DAB1: variants seen among roughly 807,000 people sequenced by gnomAD.
The protein encoded by DAB1 is DAB adaptor protein 1.
In DAB1, 15 loss-of-function variants were observed where a neutral mutation model predicts 64.6. The ratio of observed to expected loss-of-function variants is 0.23; its 90% CI spans 0.16 to 0.36. The LOEUF is 0.36. Ranked by LOEUF, DAB1 falls within the 10% of genes least tolerant of loss-of-function variation. The pLI is 1.00. For missense variants in DAB1, 596 were observed against 706.7 expected, an observed-to-expected ratio of 0.84 and a Z score of 1.78; for synonymous variants, 235 against 251.9, an observed-to-expected ratio of 0.93 and a Z score of 0.64.
At chr1:57,702,897 C>T (rs1646923364) in intron 6 of DAB1, among the ~76,000 whole-genome samples, 3 of 152,160 alleles carry the variant, frequency 2.0e-5, no homozygotes, top group Non-Finnish European at 2.9e-5. Flanking sequence ...ACACCTACAA[C>T]TATCTGGTCT....
intron 7 of DAB1, among the ~76,000 whole-genome samples, chr1:57,638,635 C>G (rs536055485): frequency 9.2e-5 from 14 of 152,298 alleles, no homozygotes; most frequent in African/African-American, 3.4e-4. Context: ...ATCAAAGACA[C>G]AGTTCATGTT....
intron 7 of DAB1, among the ~76,000 whole-genome samples, chr1:57,638,389 A>G (rs565627255): frequency 7.3e-4 from 111 of 152,252 alleles, no homozygotes; most frequent in African/African-American, 2.6e-3. Flanking sequence ...CTGGGCGAGG[A>G]GTGTCAGATG....
intron 6 of DAB1, among the ~76,000 whole-genome samples, chr1:57,745,123 G>A (rs1363548130): frequency 1.3e-5 from 2 of 152,252 alleles, no homozygotes; most frequent in South Asian, 4.1e-4. Context: ...TTATAGATTA[G>A]GGATAGTAAT....
At chr1:57,117,599 G>A (rs1359807127) in intron 4 of DAB1, among the ~76,000 whole-genome samples, 2 of 152,140 alleles carry the variant, frequency 1.3e-5, no homozygotes, top group African/African-American at 4.8e-5. Flanking sequence ...TACAATTCAA[G>A]CCCTCGGTGC....
chr1:58,065,000 G>C (rs1648766295), intron 5 of DAB1, among the ~76,000 whole-genome samples: 1 of 152,086 alleles, frequency 6.6e-6, no homozygotes, highest in Non-Finnish European at 1.5e-5. Flanking sequence ...GTGAGCCACC[G>C]CGCCCGGCCA....
intron 7 of DAB1, among the ~76,000 whole-genome samples, chr1:57,473,996 C>T (rs1643902324): frequency 6.6e-6 from 1 of 152,108 alleles, no homozygotes; most frequent in African/African-American, 2.4e-5. Context: ...AAGAACAATG[C>T]ATATTGTTAG....
chr1:57,408,044 G>A (rs1344044336), intron 1 of DAB1, among the ~76,000 whole-genome samples: 9 of 152,040 alleles, frequency 5.9e-5, no homozygotes, highest in East Asian at 5.8e-4. Context: ...GTATGCCCAC[G>A]TCTCCTCTCT....
chr1:57,763,111 A>T (rs1281333672), intron 6 of DAB1, among the ~76,000 whole-genome samples: 1 of 152,208 alleles, frequency 6.6e-6, no homozygotes, highest in Non-Finnish European at 1.5e-5. Flanking sequence ...ACGATGCGAC[A>T]CAGGATGTAT....
At chr1:58,451,152 C>G (rs1361294227) in intron 3 of DAB1, among the ~76,000 whole-genome samples, 1 of 152,174 alleles carries the variant, frequency 6.6e-6, no homozygotes, top group Admixed American at 6.5e-5. Flanking sequence ...TGCCATGATG[C>G]AATCACGACT....
At chr1:57,746,457 T>C (rs1438797916) in intron 6 of DAB1, among the ~76,000 whole-genome samples, 3 of 152,182 alleles carry the variant, frequency 2.0e-5, no homozygotes. Flanking sequence ...TTCCCCAGAT[T>C]ATTAAGGTTG....
chr1:58,408,969 A>C (rs1644642435), intron 3 of DAB1, among the ~76,000 whole-genome samples: 1 of 152,212 alleles, frequency 6.6e-6, no homozygotes, highest in African/African-American at 2.4e-5. Flanking sequence ...TTAGATACAA[A>C]TCCTGTCTTC....
At chr1:57,274,927 T>TAA (rs11423501) in intron 2 of DAB1, among the ~76,000 whole-genome samples, 12 of 149,986 alleles carry the variant, frequency 8.0e-5, no homozygotes, top group South Asian at 2.1e-4. Context: ...CTTAACTGCT[T>TAA]AAAAAAAAAT....
In DAB1 at chr1:57,804,923, G is replaced by T. The variant is rs758318007; in HGVS notation, n.551+79076C>A. 3.6e-4 allele frequency among the ~76,000 whole-genome samples: 55 copies of T among 152,256 alleles called. 1 individual carries two copies. Among genetic ancestry groups the T allele is most frequent in the Non-Finnish European group, 2.4e-4 (16 of 68,000 alleles). On this transcript the variant is annotated intron_variant and non_coding_transcript_variant, in intron 6 of 20. Coordinates refer to the DAB1 transcript ENST00000485760. The stretch of plus-strand genomic sequence containing the variant: ...TTCAAATTGGAGATTTGTATTTTTT[G>T]TTGTTGTTGTTCCCCACAGCCTCTC...
chr1:58,488,729 C>T (rs556076753), intron 3 of DAB1, among the ~76,000 whole-genome samples: 16 of 152,306 alleles, frequency 1.1e-4, no homozygotes, highest in African/African-American at 3.8e-4. Context: ...GGATTACAGG[C>T]GTGAGCCACC....
intron 1 of DAB1, among the ~76,000 whole-genome samples, chr1:57,883,658 T>C (rs1415741798): frequency 1.3e-5 from 2 of 152,236 alleles, no homozygotes; most frequent in African/African-American, 4.8e-5. Context: ...TATTTCTGTT[T>C]CTGTGAACAT....
chr1:57,534,281 C>T lies in DAB1; in HGVS notation n.625+115311G>A, dbSNP rs573279129. ...TTAAATAACTCAACAAGAGGTCCCTCGGAGAAAATCAATACACACCAAATT... is the reference window on the plus strand; with the variant it reads ...TTAAATAACTCAACAAGAGGTCCCTTGGAGAAAATCAATACACACCAAATT... On this transcript the variant is annotated intron_variant and non_coding_transcript_variant, in intron 7 of 20. Coordinates refer to the DAB1 transcript ENST00000485760. Among the ~76,000 whole-genome samples the T allele has an allele frequency of 4.6e-5, 7 of 152,176 alleles. No individual in the cohort carries two copies. The South Asian group carries it at 6.2e-4, about 14-fold the overall frequency.
chr1:57,409,838 C>T (rs141543531), intron 1 of DAB1, among the ~76,000 whole-genome samples: 3 of 152,198 alleles, frequency 2.0e-5, no homozygotes, highest in African/African-American at 7.2e-5. Context: ...CAAAAACTAG[C>T]ATCAGATAAT....
At chr1:57,946,482 C>G (rs964567938) in intron 5 of DAB1, among the ~76,000 whole-genome samples, 1 of 152,210 alleles carries the variant, frequency 6.6e-6, no homozygotes, top group Admixed American at 6.5e-5. Flanking sequence ...TCCACCTTCT[C>G]TAATAGGATC....
chr1:58,262,785 T>C (rs12239859), intron 4 of DAB1, among the ~76,000 whole-genome samples: 4,666 of 152,282 alleles, frequency 0.031, 250 homozygotes, highest in African/African-American at 0.11. Context: ...CTTAATCCAA[T>C]AAAATATAGA....
Sources: allele counts gnomAD v4.1 joint callset (sites outside exome capture counted in the v4.1 genomes callset), GRCh38; gene constraint gnomAD v4.1.1; transcripts MANE v1.5; gene names NCBI Gene and HGNC (gene_info 2026-07-23, HGNC 2026-07-21).